Variants in CCDC68 observed in about 807,000 individuals in gnomAD.
The protein encoded by CCDC68 is coiled-coil domain containing 68.
CCDC68 carries 45 observed loss-of-function variants against 47.1 expected under a neutral mutation model. The ratio of observed to expected loss-of-function variants is 0.96; its 90% confidence interval spans 0.75 to 1.23. The LOEUF (loss-of-function observed/expected upper bound fraction) is 1.23. CCDC68 is among the 50% of genes most tolerant of loss of function. The pLI, the probability that CCDC68 is intolerant of heterozygous loss-of-function variation, is 0.00. For missense variants in CCDC68, 353 were observed against 373.6 expected (o/e 0.94, Z 0.45); for synonymous variants, 131 against 129.5 (o/e 1.01, Z -0.08).
intron 1 of CCDC68, among the ~76,000 whole-genome samples, chr18:54,951,144 G>T (rs2044613373): frequency 6.6e-6 from 1 of 151,520 alleles, no homozygotes; most frequent in African/African-American, 2.4e-5. Flanking sequence ...TCCTGACCTC[G>T]TGATCCGCCC....
chr18:54,931,522 T>C (rs1396563795), intron 7 of CCDC68, among the ~76,000 whole-genome samples: 4 of 152,228 alleles, frequency 2.6e-5, no homozygotes, highest in East Asian at 1.9e-4. Flanking sequence ...ATGGAAAGGG[T>C]TGTGATCTAG....
At chr18:54,904,809 CCTCA>C (rs534611116) in intron 11 of CCDC68, among the ~76,000 whole-genome samples, 130 of 152,226 alleles carry the variant, frequency 8.5e-4, no homozygotes, top group Admixed American at 4.1e-3. Flanking sequence ...GAATTTATTT[CCTCA>C]CTGTGTGATT....
At chr18:54,921,052 G>A (rs1442939889) in intron 8 of CCDC68, among the ~76,000 whole-genome samples, 1 of 152,200 alleles carries the variant, frequency 6.6e-6, no homozygotes, top group Non-Finnish European at 1.5e-5. Flanking sequence ...CAGCAACGTG[G>A]ATGCAACTGA....
At chr18:54,955,183 T>C (rs1206388258) in intron 1 of CCDC68, among the ~76,000 whole-genome samples, 4 of 152,052 alleles carry the variant, frequency 2.6e-5, no homozygotes, top group Admixed American at 6.5e-5. Flanking sequence ...TAGCTAGGCA[T>C]GGTGCCACAT....
Position 54,943,800 on chromosome 18 carries a change from T to A in CCDC68, c.-12-997A>T, listed in dbSNP as rs2044475853. 4.6e-5 allele frequency among the ~76,000 whole-genome samples: 7 copies of A among 152,154 alleles called. No homozygotes were observed. In the South Asian group the frequency reaches 1.5e-3, roughly 32 times the overall value. Reference sequence around the variant, plus strand: ...AAGCCAACAGGTAATTGTGTTAACATCATGAAGAATCAAGCTATTTATCAT... The same window carrying A: ...AAGCCAACAGGTAATTGTGTTAACAACATGAAGAATCAAGCTATTTATCAT... On this transcript the variant is annotated intron_variant, in intron 2 of 11. Coordinates refer to ENST00000591504, the MANE Select transcript of CCDC68 (RefSeq NM_025214.3).
intron 10 of CCDC68, among the ~76,000 whole-genome samples, chr18:54,911,871 T>C (rs1266979698): frequency 6.6e-6 from 1 of 152,224 alleles, no homozygotes; most frequent in Non-Finnish European, 1.5e-5. Context: ...CTCTCTTCAA[T>C]TTATTTTAAA....
chr18:54,940,293 A>G (rs148074062), intron 4 of CCDC68, among the ~76,000 whole-genome samples: 104 of 152,316 alleles, frequency 6.8e-4, no homozygotes, highest in African/African-American at 2.3e-3. Flanking sequence ...AGGCAGCTCA[A>G]CATAGCCCAA....
At chr18:54,924,562 AAG>A (rs1439315136) in intron 8 of CCDC68, among the ~76,000 whole-genome samples, 2 of 152,196 alleles carry the variant, frequency 1.3e-5, no homozygotes, top group Admixed American at 6.5e-5. Flanking sequence ...AAGGAGGGGG[AAG>A]AGACAACTAT....
chr18:54,954,057 T>TTTCTTTC (rs199955647), intron 1 of CCDC68, among the ~76,000 whole-genome samples: 11 of 129,092 alleles, frequency 8.5e-5, no homozygotes, highest in Non-Finnish European at 1.3e-4. Context: ...TCTTTCTTTC[T>TTTCTTTC]TTTTTTTTTT....
At chr18:54,948,675 A>G (rs987425820) in intron 1 of CCDC68, among the ~76,000 whole-genome samples, 2 of 152,206 alleles carry the variant, frequency 1.3e-5, no homozygotes, top group Non-Finnish European at 2.9e-5. Flanking sequence ...TACAGGGCTG[A>G]GCCAAAGACC....
At chr18:54,912,427 G>A (rs1914417915) in intron 10 of CCDC68, among the ~76,000 whole-genome samples, 1 of 6,328 alleles carries the variant, frequency 1.6e-4, no homozygotes, top group African/African-American at 1.8e-4. Flanking sequence ...CCTATAGGGA[G>A]AGGAAAAAAA....
intron 1 of CCDC68, among the ~76,000 whole-genome samples, chr18:54,957,623 A>T (rs1201492952): frequency 3.4e-5 from 3 of 88,146 alleles, no homozygotes; most frequent in African/African-American, 1.1e-4. Context: ...ACACACACAC[A>T]CACACTCTCT....
chr18:54,905,770 C>T (rs1913968691), intron 11 of CCDC68, among the ~76,000 whole-genome samples: 1 of 152,136 alleles, frequency 6.6e-6, no homozygotes, highest in South Asian at 2.1e-4. Context: ...AGGCATAGGA[C>T]TACACAGCAG....
intron 8 of CCDC68, among the ~76,000 whole-genome samples, chr18:54,926,386 C>T (rs2044145319): frequency 6.6e-6 from 1 of 152,144 alleles, no homozygotes; most frequent in Non-Finnish European, 1.5e-5. Context: ...GGAGGAAAAG[C>T]CCCTTATAAA....
intron 10 of CCDC68, among the ~76,000 whole-genome samples, chr18:54,917,034 G>A (rs1477168687): frequency 6.6e-6 from 1 of 152,118 alleles, no homozygotes; most frequent in Non-Finnish European, 1.5e-5. Flanking sequence ...AACTGTGAGT[G>A]CACTAAACTT....
At chr18:54,942,560 C>T in intron 3 of CCDC68, 115 bp downstream of exon 3, 1 of 632,968 alleles carries the variant, frequency 1.6e-6, no homozygotes, top group Non-Finnish European at 2.8e-6. Flanking sequence ...CTTTGCCAAA[C>T]TAGGGTTGTT....
intron 1 of CCDC68, among the ~76,000 whole-genome samples, chr18:54,950,803 T>TATATATATA (rs35471289): frequency 1.8e-4 from 16 of 87,162 alleles, no homozygotes; most frequent in Non-Finnish European, 1.6e-4. Context: ...TATATATATA[T>TATATATATA]GATGCAATAA....
At chr18:54,947,084 C>T (rs958402535) in intron 1 of CCDC68, among the ~76,000 whole-genome samples, 153 of 152,120 alleles carry the variant, frequency 1.0e-3, no homozygotes, top group African/African-American at 3.6e-3. Flanking sequence ...CATAAGCCGG[C>T]GAAGTCCAAA....
chr18:54,913,640 A>AT (rs11341657), intron 10 of CCDC68, among the ~76,000 whole-genome samples: 1,994 of 149,696 alleles, frequency 0.013, 28 homozygotes, highest in African/African-American at 0.026. Flanking sequence ...TGTCTCTACA[A>AT]TTTTTTTTTT....
Sources: gnomAD v4.1 joint callset for allele counts (sites outside exome capture counted in the v4.1 genomes callset) on GRCh38, gnomAD v4.1.1 for gene constraint, MANE v1.5 for transcripts, NCBI Gene and HGNC (gene_info 2026-07-23, HGNC 2026-07-21) for gene names.